WASF3: variants seen among roughly 807,000 people sequenced by gnomAD.
WASF3 encodes WASP family member 3.
Under a neutral mutation model 46.6 loss-of-function variants are expected in WASF3, and 11 were observed. The ratio of observed to expected loss-of-function variants is 0.24; its 90% CI spans 0.15 to 0.39. The LOEUF (loss-of-function observed/expected upper bound fraction) is 0.39, where lower values mean the gene tolerates loss of function less well. WASF3 is among the 10% of genes least tolerant of loss of function. The pLI, the probability that WASF3 is intolerant of heterozygous loss-of-function variation, is 1.00. For synonymous variants in WASF3, 242 were observed against 259.7 expected (o/e 0.93, Z 0.65); for missense variants, 576 against 669.8 (o/e 0.86, Z 1.55).
intron 1 of WASF3, among the ~76,000 whole-genome samples, chr13:26,579,313 A>G (rs1879904739): frequency 6.6e-6 from 1 of 152,124 alleles, no homozygotes; most frequent in African/African-American, 2.4e-5. Flanking sequence ...AGAAGGGGAA[A>G]GATAGTGATG....
chr13:26,642,411 A>G lies in WASF3; in HGVS notation c.133+8A>G. 3.2e-6 allele frequency: 5 copies of G among 1,570,128 alleles called. No homozygotes were observed. Among genetic ancestry groups the G allele is most frequent in the South Asian group, 1.2e-5 (1 of 83,108 alleles). On this transcript the variant is annotated splice_region_variant and intron_variant, in intron 3 of 9. Coordinates refer to ENST00000335327, the MANE Select transcript of WASF3 (RefSeq NM_006646.6). Reference sequence around the variant, plus strand: ...GCCAGCTGAGCAGTCTGAGTAAGCCATCTTTTTTCTGATTACCAATGACAT... The same window carrying G: ...GCCAGCTGAGCAGTCTGAGTAAGCCGTCTTTTTTCTGATTACCAATGACAT...
intron 5 of WASF3, 78 bp from the exon 6 acceptor site, chr13:26,671,794 A>T: frequency 1.0e-6 from 1 of 971,192 alleles, no homozygotes; most frequent in South Asian, 1.7e-5. Context: ...CATGAGTTCA[A>T]ATCAAGTTAA....
intron 1 of WASF3, among the ~76,000 whole-genome samples, chr13:26,578,500 A>G (rs183229839): frequency 2.6e-5 from 4 of 152,356 alleles, no homozygotes; most frequent in Non-Finnish European, 5.9e-5. Context: ...AATGCAACAC[A>G]CCATGAGCTG....
intron 9 of WASF3, among the ~76,000 whole-genome samples, chr13:26,685,087 CAAAAA>C (rs57659738): frequency 7.4e-6 from 1 of 134,654 alleles, no homozygotes; most frequent in Admixed American, 7.4e-5. Flanking sequence ...GACCCAATCT[CAAAAA>C]AAAAAAAAAA....
chr13:26,664,915 C>T, intron 3 of WASF3, 113 bp from the exon 4 acceptor site: 3 of 1,105,698 alleles, frequency 2.7e-6, no homozygotes, highest in Non-Finnish European at 4.0e-6. Flanking sequence ...TATTTTCATA[C>T]TCGTTTGCAC....
At chr13:26,669,966 G>C (rs1251154894) in intron 5 of WASF3, among the ~76,000 whole-genome samples, 3 of 152,186 alleles carry the variant, frequency 2.0e-5, no homozygotes, top group African/African-American at 7.2e-5. Flanking sequence ...CAAGGATCTA[G>C]AACTAGAAAT....
chr13:26,680,038 G>T, intron 7 of WASF3: 1 of 1,596,306 alleles, frequency 6.3e-7, no homozygotes, highest in Non-Finnish European at 8.5e-7. Context: ...CCTTCAGAGA[G>T]AGAAACACAA....
intron 1 of WASF3, among the ~76,000 whole-genome samples, chr13:26,568,593 C>T (rs934683068): frequency 2.6e-5 from 4 of 152,168 alleles, no homozygotes; most frequent in African/African-American, 9.7e-5. Context: ...AGCAAGTGCT[C>T]ATCCAGAGAT....
At chr13:26,624,872 G>A (rs907142412) in intron 2 of WASF3, among the ~76,000 whole-genome samples, 5 of 151,966 alleles carry the variant, frequency 3.3e-5, no homozygotes, top group Non-Finnish European at 7.4e-5. Context: ...AAATCCTGTC[G>A]ATGCATAATT....
At chr13:26,619,133 T>G (rs897747236) in intron 2 of WASF3, 1 of 152,236 alleles carries the variant, frequency 6.6e-6, no homozygotes, top group Admixed American at 6.5e-5. Context: ...CCATTTCAAA[T>G]TATATAATTT....
chr13:26,572,862 C>T (rs1023277432), intron 1 of WASF3, among the ~76,000 whole-genome samples: 1 of 152,068 alleles, frequency 6.6e-6, no homozygotes, highest in Admixed American at 6.6e-5. Context: ...CTGGTATAAA[C>T]TCTTAATGTG....
the WASF3 span, among the ~76,000 whole-genome samples, chr13:26,544,233 C>T: frequency 6.6e-6 from 1 of 152,174 alleles, no homozygotes; most frequent in Admixed American, 6.5e-5. Flanking sequence ...TGAATTTAAG[C>T]TCTTGATTTT....
In WASF3 at chr13:26,634,708, C is replaced by G. The variant is rs147896776; in HGVS notation, c.-10-7553C>G. 5.5e-3 allele frequency among the ~76,000 whole-genome samples: 842 copies of G among 152,264 alleles called. 3 individuals are homozygous for G. Among genetic ancestry groups the G allele is most frequent in the Middle Eastern group, 0.014 (4 of 294 alleles). ...TGGTGACAAAATCTCTCAGCATTTG[C>G]TTGTCTGTGAAGGATTTTATTTCTC... On this transcript the variant is annotated intron_variant, in intron 2 of 9. Coordinates refer to ENST00000335327, the MANE Select transcript of WASF3 (RefSeq NM_006646.6).
chr13:26,624,376 A>G (rs1881402442), intron 2 of WASF3, among the ~76,000 whole-genome samples: 1 of 152,200 alleles, frequency 6.6e-6, no homozygotes, highest in Non-Finnish European at 1.5e-5. Flanking sequence ...ATAAAAAGGA[A>G]CAGTGAAACA....
At chr13:26,571,460 A>G (rs546335144) in intron 1 of WASF3, among the ~76,000 whole-genome samples, 133 of 152,330 alleles carry the variant, frequency 8.7e-4, no homozygotes, top group African/African-American at 3.0e-3. Context: ...CTTCTTCTGA[A>G]TAGTGATTGA....
intron 1 of WASF3, among the ~76,000 whole-genome samples, chr13:26,560,094 C>G (rs1427888416): frequency 1.3e-5 from 2 of 152,046 alleles, no homozygotes; most frequent in Non-Finnish European, 2.9e-5. Flanking sequence ...GCTGGGATTA[C>G]AGGCGTGAGC....
intron 6 of WASF3, among the ~76,000 whole-genome samples, chr13:26,674,060 G>C (rs1013024387): frequency 5.3e-5 from 8 of 152,182 alleles, no homozygotes; most frequent in Non-Finnish European, 1.2e-4. Context: ...GGAGGAACCA[G>C]TTTGGCAGCT....
chr13:26,634,264 T>G (rs970273041), intron 2 of WASF3, among the ~76,000 whole-genome samples: 4 of 152,214 alleles, frequency 2.6e-5, no homozygotes, highest in Non-Finnish European at 4.4e-5. Flanking sequence ...TCTCTTTTGA[T>G]CTTTGTTGGT....
intron 2 of WASF3, among the ~76,000 whole-genome samples, chr13:26,620,077 A>G (rs1881260459): frequency 6.6e-6 from 1 of 152,010 alleles, no homozygotes; most frequent in Non-Finnish European, 1.5e-5. Flanking sequence ...AGGATGTAGG[A>G]GATTTTGGGT....
Sources: gnomAD v4.1 joint callset for allele counts (sites outside exome capture counted in the v4.1 genomes callset) on GRCh38, gnomAD v4.1.1 for gene constraint, MANE v1.5 for transcripts, NCBI Gene and HGNC (gene_info 2026-07-23, HGNC 2026-07-21) for gene names.